ITIH4: variants seen among roughly 807,000 people sequenced by gnomAD.
The protein encoded by ITIH4 is inter-alpha-trypsin inhibitor heavy chain H4.
Under a neutral mutation model 111.8 loss-of-function variants are expected in ITIH4, and 79 were observed. The observed-to-expected ratio is 0.71, with a 90% CI of 0.59 to 0.85. The LOEUF is 0.85. ITIH4 is among the 40% of genes least tolerant of loss of function. The pLI is 0.00. For synonymous variants in ITIH4, 472 were observed against 468.3 expected, an observed-to-expected ratio of 1.01 and a Z score of -0.10; for missense variants, 1,065 against 1,195.8, an observed-to-expected ratio of 0.89 and a Z score of 1.61.
chr3:52,813,289 G>T lies in ITIH4; in HGVS notation c.*132C>A. The stretch of plus-strand genomic sequence containing the variant: ...GGAACTGGAGACACCCACTTCCCAG[G>T]CTCACACCACCTTTCTTTATTTGTA... On this transcript the variant is annotated 3_prime_UTR_variant, in exon 24 of 24. Transcript: ENST00000266041. The T allele has an allele frequency of 1.2e-6, 1 of 826,582 alleles. No homozygotes were observed. The highest frequency in any genetic ancestry group is 2.0e-6 in the Non-Finnish European group (1 of 490,842). The allele number at this position is 826,582 out of a possible 1,614,324, so 51.2% of individuals were successfully genotyped here.
intron 2 of ITIH4, among the ~76,000 whole-genome samples, chr3:52,827,987 G>C (rs12488303): frequency 6.6e-6 from 1 of 152,066 alleles, no homozygotes; most frequent in Admixed American, 6.5e-5. Context: ...TCAGGACTAC[G>C]CGTCCCTCCT....
At position 52,820,631 on chromosome 3, in the gene ITIH4, C is replaced by A; in HGVS notation, c.1834G>T (p.Glu612Ter). ...SQVAEKPMEG[E>*]SRNRNVHSGS... Reference sequence around the variant, plus strand: ...GCTGAGATCTCAACCCCACACCCACCGCCTTCCATGGGCTTCTCAGCAACT... The same window carrying A: ...GCTGAGATCTCAACCCCACACCCACAGCCTTCCATGGGCTTCTCAGCAACT... Residue 612 changes from glutamate (E) to a stop codon, truncating the protein, a stop_gained and splice_region_variant, in exon 13 of 24, where the codon GAA becomes TAA. Coordinates refer to ENST00000266041, the MANE Select transcript of ITIH4 (RefSeq NM_002218.5). LOFTEE classifies it high-confidence loss of function. 6.2e-7 allele frequency: 1 copy of A among 1,606,378 alleles called. No individual in the cohort carries two copies. The highest frequency in any genetic ancestry group is 8.5e-7 in the Non-Finnish European group (1 of 1,175,394).
rs201607989 is a variant in ITIH4, at chr3:52,814,250, C to G, written c.2585G>C (p.Arg862Pro). Residue 862 changes from arginine (R) to proline (P), a missense_variant, in exon 22 of 24, where the codon CGT (arginine) becomes CCT (proline). By Grantham distance (103) the Arg-to-Pro change is moderately radical. Coordinates refer to ENST00000266041, the MANE Select transcript of ITIH4 (RefSeq NM_002218.5). ...GTGGCTGGAGAAGCGGTCAGTGTCACGCAGAAGGAGCCGGAGCCCCTCCCC... is the reference window on the plus strand; with the variant it reads ...GTGGCTGGAGAAGCGGTCAGTGTCAGGCAGAAGGAGCCGGAGCCCCTCCCC... ...GRGEGLRLLLRDTDRFSSHVG... is the reference protein window; with the variant it reads ...GRGEGLRLLLPDTDRFSSHVG... The G allele has an allele frequency of 1.2e-6, 2 of 1,613,608 alleles. No homozygotes were observed. Among genetic ancestry groups the G allele is most frequent in the Admixed American group, 1.7e-5 (1 of 59,996 alleles).
chr3:52,826,633 C>T lies in ITIH4; in HGVS notation c.538G>A (p.Glu180Lys), dbSNP rs376828517. The T allele has an allele frequency of 2.5e-6, 4 of 1,613,990 alleles. No homozygotes were observed. Among genetic ancestry groups the T allele is most frequent in the Non-Finnish European group, 3.4e-6 (4 of 1,179,978 alleles). ...TCCAGAAAGCTGATGCCCTGGGGCT[C>T]GAAGATGTGAATGTCCATCTGGAGG... Reference protein sequence around the residue: ...KHLQMDIHIFEPQGISFLETE... With the variant: ...KHLQMDIHIFKPQGISFLETE... Residue 180 changes from glutamate (E) to lysine (K), a missense_variant, in exon 5 of 24, where the codon GAG becomes AAG. Coordinates refer to ENST00000266041, the MANE Select transcript of ITIH4 (RefSeq NM_002218.5).
In ITIH4 at chr3:52,826,603, C is replaced by G. The variant is rs1389713120; in HGVS notation, c.568G>C (p.Glu190Gln). 2.5e-6 allele frequency: 4 copies of G among 1,614,012 alleles called. No individual in the cohort carries two copies. In the African/African-American group the frequency reaches 5.3e-5, roughly 22 times the overall value. ...AGCTGGTTGGTCATGAAGGTGCTCT[C>G]TGTCTCCAGAAAGCTGATGCCCTGG... ...EPQGISFLET[E>Q]STFMTNQLVD... The change falls in exon 5 of 24, where the codon GAG becomes CAG. Residue 190 changes from glutamate to glutamine, a missense_variant. Physicochemically the swap from Glu to Gln is conservative, Grantham distance 29 (BLOSUM62 2). Coordinates refer to ENST00000266041, the MANE Select transcript of ITIH4 (RefSeq NM_002218.5).
intron 2 of ITIH4, 108 bp from the exon 3 acceptor site, chr3:52,827,305 G>T: frequency 1.2e-6 from 1 of 865,622 alleles, no homozygotes. Flanking sequence ...TTGACACAGT[G>T]ACTCCCATCT....
Position 52,814,044 on chromosome 3 carries a change from C to T in ITIH4, c.2654G>A (p.Gly885Glu). 2 of 1,613,846 alleles carry T rather than the reference C, an allele frequency of 1.2e-6. No homozygotes were observed. Among genetic ancestry groups the T allele is most frequent in the East Asian group, 2.2e-5 (1 of 44,858 alleles). The change falls in exon 23 of 24, where the codon GGA (glycine) becomes GAA (glutamate). Residue 885 changes from glycine to glutamate, a missense_variant. Transcript: ENST00000266041. ...GCCGTCATCTGATGCTGCTGGAGAT[C>T]CCCAGAGCACCTCCTGGTAAAACTG... is the stretch of plus-strand genomic sequence containing the variant. ...LGQFYQEVLW[G>E]SPAASDDGRR...
At chr3:52,818,749 G>A in intron 17 of ITIH4, 1 of 584,512 alleles carries the variant, frequency 1.7e-6, no homozygotes, top group Non-Finnish European at 3.0e-6. Context: ...TGCAGATTTG[G>A]GGATCAGAAA....
intron 1 of ITIH4, 170 bp downstream of exon 1, chr3:52,830,382 AC>A: frequency 1.4e-6 from 1 of 718,210 alleles, no homozygotes; most frequent in Non-Finnish European, 2.6e-6. Context: ...GTGGGAGAAT[AC>A]CAGTAAGGCC....
Position 52,829,371 on chromosome 3 carries a change from T to C in ITIH4, c.91-92A>G, listed in dbSNP as rs2535622. 0.033 allele frequency: 45,624 copies of C among 1,382,048 alleles called. 6,708 individuals carry two copies. In the African/African-American group the frequency reaches 0.36, roughly 11 times the overall value. 85.6% of individuals were successfully genotyped at this position (1,382,048 alleles called of 1,614,324 possible). On this transcript the variant is annotated intron_variant, in intron 1 of 23. Coordinates refer to ENST00000266041, the MANE Select transcript of ITIH4 (RefSeq NM_002218.5). ...CAAGAGTTGGCCCTGACTCTGGCTC[T>C]AGACCAAACCCTGGCTCCCAATCTG...
Position 52,824,717 on chromosome 3 carries a change from T to C in ITIH4, c.876+125A>G. The C allele has an allele frequency of 8.0e-7, 1 of 1,247,674 alleles. No homozygotes were observed. Among genetic ancestry groups the C allele is most frequent in the Non-Finnish European group, 1.1e-6 (1 of 887,744 alleles). 77.3% of individuals were successfully genotyped at this position (1,247,674 alleles called of 1,614,324 possible). A position where few individuals can be genotyped will look rare whatever the true frequency, so the allele number is the denominator to read the frequency against. On this transcript the variant is annotated intron_variant, in intron 7 of 23. Transcript: ENST00000266041. The surrounding 1 kb of genome is among the most constrained non-coding windows in gnomAD (Gnocchi z 4.3). ...TGCCCTAGGCTCTGGCCAACCTTGG[T>C]TCCTGAGAGCCACCCGCCCCATGGT... is the stretch of plus-strand genomic sequence containing the variant.
In ITIH4 at chr3:52,826,625, C is replaced by G; in HGVS notation, c.546G>C (p.Gln182His). ...LQMDIHIFEP[Q>H]GISFLETEST... Reference sequence around the variant, plus strand: ...TCTCTGTCTCCAGAAAGCTGATGCCCTGGGGCTCGAAGATGTGAATGTCCA... The same window carrying G: ...TCTCTGTCTCCAGAAAGCTGATGCCGTGGGGCTCGAAGATGTGAATGTCCA... Residue 182 changes from glutamine (Q) to histidine (H), a missense_variant, in exon 5 of 24, where the codon CAG becomes CAC. Coordinates refer to ENST00000266041, the MANE Select transcript of ITIH4 (RefSeq NM_002218.5). 6.2e-7 allele frequency: 1 copy of G among 1,614,086 alleles called. No individual in the cohort carries two copies. Among genetic ancestry groups the G allele is most frequent in the Non-Finnish European group, 8.5e-7 (1 of 1,180,014 alleles).
At chr3:52,825,791 G>T in intron 6 of ITIH4, 95 bp downstream of exon 6, 1 of 1,395,798 alleles carries the variant, frequency 7.2e-7, no homozygotes, top group Non-Finnish European at 9.7e-7. Flanking sequence ...TGCTAAGTAA[G>T]GGTGGTTCTT....
chr3:52,818,281 T>C lies in ITIH4; in HGVS notation c.2155A>G (p.Thr719Ala). 1 of 1,577,402 alleles carries C rather than the reference T, an allele frequency of 6.3e-7. No individual in the cohort carries two copies. Among genetic ancestry groups the C allele is most frequent in the South Asian group, 1.2e-5 (1 of 83,722 alleles). ...CCTGGGGTTTGGGTTGTCATGGTTG[T>C]TTCTAAAAGAAGAAAAAGTCTGGGT... ...SRVMNMKIEE[T>A]TMTTQTPAPI... The change falls in exon 19 of 24, where the codon ACA (threonine) becomes GCA (alanine). Residue 719 changes from threonine (T) to alanine (A), a missense_variant and splice_region_variant. Thr to Ala is a moderately conservative substitution (Grantham distance 58). Transcript: ENST00000266041.
Position 52,830,636 on chromosome 3 carries a change from G to A in ITIH4, c.7C>T (p.Pro3Ser), listed in dbSNP as rs1239573908. The A allele has an allele frequency of 6.2e-7, 1 of 1,604,866 alleles. No individual in the cohort carries two copies. Among genetic ancestry groups the A allele is most frequent in the Non-Finnish European group, 8.5e-7 (1 of 1,173,574 alleles). The change falls in exon 1 of 24, where the codon CCC becomes TCC. Residue 3 changes from proline to serine, a missense_variant. Transcript: ENST00000266041. Reference protein sequence around the residue: MKPPRPVRTCSKV... With the variant: MKSPRPVRTCSKV... ...CTGCAGGTACGGACAGGCCTTGGGG[G>A]CTTCATCGTGGCTCCAGTGTCTGCC...
rs554085560 is a variant in ITIH4 at position 52,829,220 on chromosome 3, G to A, written c.150C>T (p.His50=). The change falls in exon 2 of 24, where the codon CAC becomes CAT. Residue 50 remains histidine (H), a synonymous_variant. Transcript: ENST00000266041. ...VDSRVSSRFA[H]TVVTSRVVNR... is the part of the protein sequence containing the mutation. ...TGACCACTCGGCTGGTGACGACCGT[G>A]TGGGCAAATCGGGATGAGACCCTGG... is the stretch of plus-strand genomic sequence containing the variant. The A allele has an allele frequency of 1.2e-6, 2 of 1,613,776 alleles. No individual in the cohort carries two copies. Among genetic ancestry groups the A allele is most frequent in the East Asian group, 2.2e-5 (1 of 44,868 alleles).
chr3:52,826,452 C>T (rs1559482028), intron 5 of ITIH4, 89 bp downstream of exon 5: 1 of 940,960 alleles, frequency 1.1e-6, no homozygotes, highest in Non-Finnish European at 1.7e-6. Context: ...GAGGGAGAGC[C>T]CATCCTGCTT....
rs766138454 is a variant in ITIH4, at chr3:52,817,072, A to T, written c.2297-14T>A. 1 of 1,609,578 alleles carries T rather than the reference A, an allele frequency of 6.2e-7. No individual in the cohort carries two copies. The highest frequency in any genetic ancestry group is 8.5e-7 in the Non-Finnish European group (1 of 1,177,454). On this transcript the variant is annotated splice_polypyrimidine_tract_variant and intron_variant, in intron 20 of 23. Coordinates refer to ENST00000266041, the MANE Select transcript of ITIH4 (RefSeq NM_002218.5). Reference sequence around the variant, plus strand: ...TCACCTCAACCCCTGGGAGGACCAGACCAGAGAGGTCATAGCTGGGCCCCA... The same window carrying T: ...TCACCTCAACCCCTGGGAGGACCAGTCCAGAGAGGTCATAGCTGGGCCCCA...
At chr3:52,817,937 A>G in intron 20 of ITIH4, 115 bp downstream of exon 20, 1 of 814,366 alleles carries the variant, frequency 1.2e-6, no homozygotes, top group Non-Finnish European at 2.1e-6. Context: ...GGACCATGCT[A>G]TGATCTGGGA....
Sources: allele counts gnomAD v4.1 joint callset (sites outside exome capture counted in the v4.1 genomes callset), GRCh38; gene constraint gnomAD v4.1.1; non-coding constraint Gnocchi (gnomAD v3.1); transcripts MANE v1.5; gene names NCBI Gene and HGNC (gene_info 2026-07-23, HGNC 2026-07-21).